The following ABLIM1 variants were observed in gnomAD, a reference collection of about 807,000 sequenced individuals.
ABLIM1 encodes the protein actin binding LIM protein 1.
In ABLIM1, 40 loss-of-function variants were observed where a neutral mutation model predicts 107.0. The ratio of observed to expected loss-of-function variants is 0.37; its 90% CI spans 0.29 to 0.49. The LOEUF (loss-of-function observed/expected upper bound fraction) is 0.49, where lower values mean the gene tolerates loss of function less well. ABLIM1 is among the 20% of genes least tolerant of loss of function. The pLI is 0.97. For synonymous variants in ABLIM1, 357 were observed against 357.3 expected (o/e 1.00, Z 0.01); for missense variants, 857 against 1,008.5 (o/e 0.85, Z 2.04).
chr10:114,775,101 C>T, the ABLIM1 span, among the ~76,000 whole-genome samples: 1 of 152,090 alleles, frequency 6.6e-6, no homozygotes, highest in South Asian at 2.1e-4. Flanking sequence ...ACCCTCTTCA[C>T]ATGGTGGCAG....
In ABLIM1 at chr10:114,639,367, G is replaced by A. The variant is rs901311973; in HGVS notation, c.244+18590C>T. ...TTAAGATAAAAGCAGAAGTCCTAAA[G>A]CAGACGTGTCCATGGTTACACAATT... On this transcript the variant is annotated intron_variant, in intron 1 of 22. Transcript: ENST00000533213. Among the ~76,000 whole-genome samples the A allele has an allele frequency of 3.3e-5, 5 of 152,172 alleles. No individual in the cohort carries two copies. The East Asian group carries it at 7.7e-4, about 23-fold the overall frequency.
upstream of ABLIM1, among the ~76,000 whole-genome samples, chr10:114,662,101 C>T (rs951874093): frequency 2.0e-4 from 31 of 152,164 alleles, no homozygotes; most frequent in African/African-American, 7.5e-4. Context: ...ACTTGCTTCT[C>T]ACTAAAGAAT....
chr10:114,449,699 C>T (rs2061551175), intron 14 of ABLIM1, among the ~76,000 whole-genome samples: 1 of 151,784 alleles, frequency 6.6e-6, no homozygotes, highest in Admixed American at 6.6e-5. Context: ...TAAAGATGGA[C>T]AAAACATGTT....
chr10:114,555,134 C>A (rs1050065835), intron 4 of ABLIM1, among the ~76,000 whole-genome samples: 1 of 152,182 alleles, frequency 6.6e-6, no homozygotes, highest in Non-Finnish European at 1.5e-5. Context: ...CTGTCAGCTT[C>A]TGGGGAAGGC....
chr10:114,684,656 G>A (rs537986604), exon 1 of ABLIM1: 62 of 1,147,108 alleles, frequency 5.4e-5, no homozygotes, highest in African/African-American at 1.9e-4. Flanking sequence ...GCTCAATGAC[G>A]CCACACCCAC....
chr10:114,774,464 A>C, the ABLIM1 span, among the ~76,000 whole-genome samples: 1 of 152,222 alleles, frequency 6.6e-6, no homozygotes, highest in Admixed American at 6.5e-5. Flanking sequence ...AAGTGCCCAG[A>C]GGAAACTATG....
chr10:114,614,124 C>A (rs999890742), intron 1 of ABLIM1, among the ~76,000 whole-genome samples: 1 of 152,064 alleles, frequency 6.6e-6, no homozygotes, highest in African/African-American at 2.4e-5. Flanking sequence ...ATTTTTAAAT[C>A]CCTCCATGGA....
chr10:114,750,702 T>C (rs758894182), intron 1 of ABLIM1, among the ~76,000 whole-genome samples: 1 of 152,222 alleles, frequency 6.6e-6, no homozygotes, highest in Non-Finnish European at 1.5e-5. Flanking sequence ...AACAGTAAGA[T>C]AGTAAAAATA....
intron 1 of ABLIM1, among the ~76,000 whole-genome samples, chr10:114,757,126 C>T (rs956084068): frequency 6.6e-6 from 1 of 151,914 alleles, no homozygotes; most frequent in Admixed American, 6.6e-5. Flanking sequence ...TAAACATAAG[C>T]CATGTTTAAA....
chr10:114,476,743 C>G (rs1409932564), intron 8 of ABLIM1, among the ~76,000 whole-genome samples: 1 of 151,892 alleles, frequency 6.6e-6, no homozygotes, highest in African/African-American at 2.4e-5. Context: ...AAAATGTATT[C>G]CTCCTTTACA....
chr10:114,658,014 G>A lies in ABLIM1; in HGVS notation c.187C>T (p.Leu63Phe). ...CGTGGGCAGTAGTCCTTGGGACAGA[G>A]ATACAGCAAATGAGTGATAGTGGCA... ...RRATITHLLY[L>F]CPKDYCPRGR... Residue 63 changes from leucine to phenylalanine, a missense_variant, in exon 1 of 23, where the codon CTC (leucine) becomes TTC (phenylalanine). Transcript: ENST00000533213. 3 of 1,614,202 alleles carry A rather than the reference G, an allele frequency of 1.9e-6. No individual in the cohort carries two copies. Among genetic ancestry groups the A allele is most frequent in the South Asian group, 1.1e-5 (1 of 91,082 alleles).
intron 2 of ABLIM1, among the ~76,000 whole-genome samples, chr10:114,584,325 A>G (rs927490772): frequency 1.3e-5 from 2 of 152,080 alleles, no homozygotes; most frequent in Non-Finnish European, 2.9e-5. Flanking sequence ...TCTGTCCCCC[A>G]ACTAAATTTT....
intron 1 of ABLIM1, among the ~76,000 whole-genome samples, chr10:114,649,399 CAAAATAAA>C (rs1201876999): frequency 6.4e-5 from 7 of 110,214 alleles, no homozygotes; most frequent in Admixed American, 2.2e-4. Flanking sequence ...AAGACTCTGT[CAAAATAAA>C]TAAATAAATA....
the ABLIM1 span, among the ~76,000 whole-genome samples, chr10:114,788,344 A>T: frequency 7.5e-4 from 58 of 77,030 alleles, no homozygotes; most frequent in South Asian, 2.2e-3. Context: ...TAAAAAAAAA[A>T]AAAATAAATA....
chr10:114,638,374 C>T lies in ABLIM1; in HGVS notation c.244+19583G>A, dbSNP rs1591692784. On this transcript the variant is annotated intron_variant, in intron 1 of 22. Transcript: ENST00000533213. Reference sequence around the variant, plus strand: ...CATCAGGCAGTCATTTTACAAAGTCCCCTTTATAACCTACCCTCACAGCTA... The same window carrying T: ...CATCAGGCAGTCATTTTACAAAGTCTCCTTTATAACCTACCCTCACAGCTA... 2.0e-5 allele frequency among the ~76,000 whole-genome samples: 3 copies of T among 152,178 alleles called. No homozygotes were observed. The East Asian group carries it at 5.8e-4, about 29-fold the overall frequency.
chr10:114,650,028 G>A (rs1393779624), intron 1 of ABLIM1, among the ~76,000 whole-genome samples: 3 of 151,978 alleles, frequency 2.0e-5, no homozygotes, highest in Non-Finnish European at 4.4e-5. Context: ...GCTAATTTTT[G>A]TATTTTTTAG....
At chr10:114,790,086 C>A in the ABLIM1 span, among the ~76,000 whole-genome samples, 1 of 152,218 alleles carries the variant, frequency 6.6e-6, no homozygotes, top group Admixed American at 6.5e-5. Flanking sequence ...AGCCACTGGC[C>A]CGGCCTCAAG....
intron 10 of ABLIM1, among the ~76,000 whole-genome samples, chr10:114,472,679 C>T (rs191315183): frequency 6.6e-6 from 1 of 152,224 alleles, no homozygotes; most frequent in Admixed American, 6.5e-5. Context: ...ACCCTCACTC[C>T]CTTATTTGCT....
intron 6 of ABLIM1, among the ~76,000 whole-genome samples, chr10:114,495,987 T>C (rs1241830381): frequency 6.6e-6 from 1 of 152,198 alleles, no homozygotes; most frequent in African/African-American, 2.4e-5. Flanking sequence ...GAAAATGGTG[T>C]GACACATTGC....
Sources: gnomAD v4.1 joint callset for allele counts (sites outside exome capture counted in the v4.1 genomes callset) on GRCh38, gnomAD v4.1.1 for gene constraint, MANE v1.5 for transcripts, NCBI Gene and HGNC (gene_info 2026-07-23, HGNC 2026-07-21) for gene names.